RNF169: variants seen among roughly 807,000 people sequenced by gnomAD.
RNF169 encodes E3 ubiquitin-protein ligase RNF169.
A neutral mutation model predicts 53.9 loss-of-function variants in RNF169; 24 were observed. The ratio of observed to expected loss-of-function variants is 0.45; its 90% CI spans 0.32 to 0.63. The LOEUF (loss-of-function observed/expected upper bound fraction) is 0.63. RNF169 is among the 20% of genes least tolerant of loss of function. The pLI is 0.04. For synonymous variants in RNF169, 396 were observed against 363.5 expected (o/e 1.09, Z -1.02); for missense variants, 883 against 906.2 (o/e 0.97, Z 0.33).
chr11:74,796,301 A>C (rs2035648239), intron 2 of RNF169, among the ~76,000 whole-genome samples: 1 of 152,210 alleles, frequency 6.6e-6, no homozygotes, highest in South Asian at 2.1e-4. Context: ...TCAGTCCTTC[A>C]TCTGGATATA....
chr11:74,801,353 T>C (rs752847559), intron 2 of RNF169, among the ~76,000 whole-genome samples: 1 of 152,142 alleles, frequency 6.6e-6, no homozygotes, highest in African/African-American at 2.4e-5. Flanking sequence ...TCAGCAATAG[T>C]CACCAGTCAG....
In RNF169 at chr11:74,796,043, T is replaced by A. The variant is rs201341363; in HGVS notation, c.576+6344T>A. Among the ~76,000 whole-genome samples, 5 of 152,370 alleles carry A rather than the reference T, an allele frequency of 3.3e-5. No individual in the cohort carries two copies. In the East Asian group the frequency reaches 9.6e-4, roughly 29 times the overall value. On this transcript the variant is annotated intron_variant, in intron 2 of 5. Transcript: ENST00000299563. ...AGATTAAAATATCTCATTGTTTTAA[T>A]TTACATTTCCTTGATTACTACAGAG...
chr11:74,768,798 A>G (rs1405613700), intron 1 of RNF169, among the ~76,000 whole-genome samples: 1 of 152,084 alleles, frequency 6.6e-6, no homozygotes, highest in Non-Finnish European at 1.5e-5. Context: ...TAATCCCAGG[A>G]CTTTGGGAGG....
chr11:74,758,437 C>T (rs2035020562), intron 1 of RNF169, among the ~76,000 whole-genome samples: 1 of 147,972 alleles, frequency 6.8e-6, no homozygotes, highest in Admixed American at 6.7e-5. Context: ...TAGTGTGATG[C>T]CTCCAGCTTT....
intron 1 of RNF169, among the ~76,000 whole-genome samples, chr11:74,762,096 C>T (rs1415854291): frequency 1.2e-4 from 17 of 145,220 alleles, no homozygotes; most frequent in African/African-American, 3.9e-4. Flanking sequence ...TTGATCGCAT[C>T]GGCTCCTGAG....
chr11:74,835,955 C>T lies in RNF169; in HGVS notation c.1352C>T (p.Thr451Ile). The change falls in exon 6 of 6, where the codon ACT (threonine) becomes ATT (isoleucine). Residue 451 changes from threonine (T) to isoleucine (I), a missense_variant. This residue lies in a region of RNF169 where 351 missense variants were observed against 337.3 expected (regional missense o/e 1.04). Coordinates refer to ENST00000299563, the MANE Select transcript of RNF169 (RefSeq NM_001098638.2). ...ATCAAAAAGACCCTTTCAAAAGCCA[C>T]TCTTACCTCTCTGGCTCCTGAAATG... is the stretch of plus-strand genomic sequence containing the variant. ...RQIKKTLSKA[T>I]LTSLAPEMGE... 6.2e-7 allele frequency: 1 copy of T among 1,614,212 alleles called. No homozygotes were observed. The highest frequency in any genetic ancestry group is 8.5e-7 in the Non-Finnish European group (1 of 1,180,040).
rs533270906 is a variant in RNF169, at chr11:74,764,404, A to G, written c.502+15022A>G. Among the ~76,000 whole-genome samples the G allele has an allele frequency of 5.3e-5, 8 of 152,258 alleles. No homozygotes were observed. In the East Asian group the frequency reaches 1.4e-3, roughly 26 times the overall value. On this transcript the variant is annotated intron_variant, in intron 1 of 5. Transcript: ENST00000299563. The stretch of plus-strand genomic sequence containing the variant: ...AAAAATTAGCCGGGTGTGGTGGCGC[A>G]TGCCTGTAATCATTGGGAGTCTGAG...
At chr11:74,828,924 A>G (rs766372077) in intron 4 of RNF169, among the ~76,000 whole-genome samples, 18 of 152,250 alleles carry the variant, frequency 1.2e-4, no homozygotes, top group Non-Finnish European at 2.1e-4. Flanking sequence ...ATTCAGGACC[A>G]TAGGCATGGG....
intron 4 of RNF169, among the ~76,000 whole-genome samples, chr11:74,832,969 T>TCCACCTGCTCCAAAATGTATTTC (rs1300938177): frequency 6.6e-6 from 1 of 152,226 alleles, no homozygotes; most frequent in Non-Finnish European, 1.5e-5. Context: ...GTTGAAATTT[T>TCCACCTGCTCCAAAATGTATTTC]CCACCTGCTC....
intron 1 of RNF169, among the ~76,000 whole-genome samples, chr11:74,787,667 G>A (rs1242178631): frequency 1.3e-5 from 2 of 152,114 alleles, no homozygotes; most frequent in Non-Finnish European, 2.9e-5. Context: ...AAAAAGAGGT[G>A]TGAGGAAATG....
In RNF169 at chr11:74,836,032, C is replaced by T. The variant is rs1387973856; in HGVS notation, c.1429C>T (p.Leu477Phe). ...TATCCATTCTAGCAAGGAGAAGCCA[C>T]TTGTGGCTGTAAATACAAGATTATC... The part of the protein sequence containing the change: ...EGIHSSKEKP[L>F]VAVNTRLSGG... The change falls in exon 6 of 6, where the codon CTT (leucine) becomes TTT (phenylalanine). Residue 477 changes from leucine to phenylalanine, a missense_variant. Coordinates refer to ENST00000299563, the MANE Select transcript of RNF169 (RefSeq NM_001098638.2). 6.2e-7 allele frequency: 1 copy of T among 1,614,210 alleles called. No homozygotes were observed. Among genetic ancestry groups the T allele is most frequent in the East Asian group, 2.2e-5 (1 of 44,876 alleles).
At chr11:74,835,050 A>G (rs959976566) in intron 5 of RNF169, among the ~76,000 whole-genome samples, 3 of 152,128 alleles carry the variant, frequency 2.0e-5, no homozygotes, top group African/African-American at 4.8e-5. Context: ...TGGTGCAACC[A>G]TAGCTCACTG....
chr11:74,803,013 C>T (rs925616138), intron 2 of RNF169, among the ~76,000 whole-genome samples: 26 of 151,972 alleles, frequency 1.7e-4, no homozygotes, highest in African/African-American at 4.1e-4. Flanking sequence ...CTCCGCCTCC[C>T]GGGTTCACAC....
At chr11:74,778,039 C>T (rs565100670) in intron 1 of RNF169, among the ~76,000 whole-genome samples, 2 of 152,302 alleles carry the variant, frequency 1.3e-5, no homozygotes, top group Non-Finnish European at 1.5e-5. Flanking sequence ...CTTCCCAGCC[C>T]TGTTCTCTTT....
At position 74,835,740 on chromosome 11, in the gene RNF169, A is replaced by C. The variant is rs1225140674; in HGVS notation, c.1137A>C (p.Leu379=). Residue 379 remains leucine (L), a synonymous_variant, in exon 6 of 6, where the codon CTA becomes CTC. Transcript: ENST00000299563. ...PESNDSISEE[L]NHFKPIVCSP... is the part of the protein sequence containing the mutation. The stretch of plus-strand genomic sequence containing the variant: ...GCAATGACAGCATCTCCGAAGAACT[A>C]AACCATTTCAAGCCCATTGTCTGCT... 1.2e-6 allele frequency: 2 copies of C among 1,614,196 alleles called. No individual in the cohort carries two copies. Among genetic ancestry groups the C allele is most frequent in the African/African-American group, 2.7e-5 (2 of 75,040 alleles).
intron 2 of RNF169, among the ~76,000 whole-genome samples, chr11:74,806,708 C>T (rs1347916040): frequency 6.6e-6 from 1 of 151,728 alleles, no homozygotes; most frequent in South Asian, 2.1e-4. Flanking sequence ...ACATGTAAGA[C>T]TTCACTTATA....
chr11:74,810,377 G>T (rs961671140), intron 3 of RNF169, 47 bp downstream of exon 3: 2 of 1,582,500 alleles, frequency 1.3e-6, no homozygotes, highest in Non-Finnish European at 1.7e-6. Context: ...AAAATCAGTG[G>T]TTAGCCCAGG....
chr11:74,809,095 G>GTT (rs202208150), intron 2 of RNF169, among the ~76,000 whole-genome samples: 1 of 150,436 alleles, frequency 6.6e-6, no homozygotes, highest in Non-Finnish European at 1.5e-5. Context: ...TTGTTGTGGG[G>GTT]TTTTTTTTTC....
At chr11:74,833,838 C>T (rs115893977) in intron 4 of RNF169, among the ~76,000 whole-genome samples, 1,678 of 152,236 alleles carry the variant, frequency 0.011, 31 homozygotes, top group African/African-American at 0.036. Context: ...AACATAGATT[C>T]ACATATGATC....
Sources: allele counts gnomAD v4.1 joint callset (sites outside exome capture counted in the v4.1 genomes callset), GRCh38; gene constraint gnomAD v4.1.1; regional missense constraint gnomAD v4.1.1; transcripts MANE v1.5; gene names NCBI Gene and HGNC (gene_info 2026-07-23, HGNC 2026-07-21).